The following CAST variants were observed in gnomAD, a reference collection of about 807,000 sequenced individuals.
CAST encodes calpastatin, also known as MIR583 host.
Under a neutral mutation model 119.6 loss-of-function variants are expected in CAST, and 76 were observed. The ratio of observed to expected loss-of-function variants is 0.64; its 90% CI spans 0.53 to 0.77. CAST has a LOEUF of 0.77. Among genes scored for constraint, CAST ranks in the 30% least tolerant of loss-of-function variants. The pLI is 0.00. For missense variants in CAST, 953 were observed against 946.5 expected, an observed-to-expected ratio of 1.01 and a Z score of -0.09; for synonymous variants, 319 against 331.6, an observed-to-expected ratio of 0.96 and a Z score of 0.41.
the CAST span, chr5:95,961,866 C>T: frequency 9.1e-7 from 1 of 1,096,592 alleles, no homozygotes; most frequent in Non-Finnish European, 1.2e-6. Context: ...GGAGCCAGAC[C>T]TCGGACTGCC....
At chr5:96,199,870 A>C in the CAST span, among the ~76,000 whole-genome samples, 1 of 152,144 alleles carries the variant, frequency 6.6e-6, no homozygotes, top group East Asian at 1.9e-4. Flanking sequence ...TTGAGCATTT[A>C]GTACAGTTTA....
the CAST span, among the ~76,000 whole-genome samples, chr5:96,000,682 C>A: frequency 1.3e-5 from 2 of 152,136 alleles, no homozygotes; most frequent in Admixed American, 6.5e-5. Flanking sequence ...AAGGGAGTGG[C>A]TTTGTTGTCT....
chr5:96,245,739 G>A, the CAST span, among the ~76,000 whole-genome samples: 1 of 152,090 alleles, frequency 6.6e-6, no homozygotes, highest in Non-Finnish European at 1.5e-5. Context: ...ATCCATTACT[G>A]ATGATTAGTT....
rs139146252 is a variant in CAST, at chr5:96,704,088, G to T, written c.210+8181G>T. Among the ~76,000 whole-genome samples the T allele has an allele frequency of 3.9e-4, 60 of 152,304 alleles. No homozygotes were observed. In the East Asian group the frequency reaches 0.01, roughly 26 times the overall value. On this transcript the variant is annotated intron_variant, in intron 3 of 31. Transcript: ENST00000675179. ...AAGGCCACACCTGTAGACTGATGGA[G>T]AAGGAATAAGCCACCTATAGCAATG...
the CAST span, among the ~76,000 whole-genome samples, chr5:96,405,003 G>T: frequency 6.6e-6 from 1 of 152,152 alleles, no homozygotes; most frequent in Non-Finnish European, 1.5e-5. Flanking sequence ...GATGGCACAT[G>T]ATTAAATGAT....
the CAST span, among the ~76,000 whole-genome samples, chr5:96,477,083 C>G: frequency 6.8e-6 from 1 of 147,996 alleles, no homozygotes; most frequent in African/African-American, 2.5e-5. Context: ...CACACACACA[C>G]ACACACACAC....
the CAST span, among the ~76,000 whole-genome samples, chr5:96,039,927 G>A: frequency 2.0e-4 from 31 of 152,276 alleles, no homozygotes; most frequent in Admixed American, 5.9e-4. Context: ...GTCATAGCTT[G>A]ATGGGGATAG....
chr5:96,254,386 A>C, the CAST span, among the ~76,000 whole-genome samples: 1 of 152,166 alleles, frequency 6.6e-6, no homozygotes, highest in South Asian at 2.1e-4. Flanking sequence ...AGACTAAAGT[A>C]ATTCACAAAG....
At chr5:96,534,691 GA>G in intron 1 of CAST, among the ~76,000 whole-genome samples, 2 of 64,292 alleles carry the variant, frequency 3.1e-5, no homozygotes, top group African/African-American at 6.1e-5. Context: ...AGAGAGAGAG[GA>G]AGGAAGGAAG....
intron 1 of CAST, among the ~76,000 whole-genome samples, chr5:96,542,622 GC>G (rs1745934387): frequency 6.6e-6 from 1 of 151,936 alleles, no homozygotes; most frequent in Non-Finnish European, 1.5e-5. Flanking sequence ...CTTATATTTT[GC>G]CCATTTAAAC....
the CAST span, among the ~76,000 whole-genome samples, chr5:96,138,500 T>C: frequency 6.6e-6 from 1 of 152,022 alleles, no homozygotes; most frequent in Non-Finnish European, 1.5e-5. Context: ...AGTTTTTCAA[T>C]AGAGACGAAA....
At chr5:95,983,636 TTCTTCA>T in the CAST span, among the ~76,000 whole-genome samples, 1 of 152,228 alleles carries the variant, frequency 6.6e-6, no homozygotes, top group Non-Finnish European at 1.5e-5. Context: ...TATTTGAATT[TTCTTCA>T]TAATCACATG....
the CAST span, among the ~76,000 whole-genome samples, chr5:96,341,193 G>C: frequency 1.3e-5 from 2 of 152,148 alleles, no homozygotes; most frequent in Non-Finnish European, 2.9e-5. Context: ...GTAATGGAGA[G>C]TTGTGTCTTC....
At chr5:96,667,130 A>G (rs967853239) in intron 1 of CAST, among the ~76,000 whole-genome samples, 1 of 152,240 alleles carries the variant, frequency 6.6e-6, no homozygotes, top group African/African-American at 2.4e-5. Flanking sequence ...AACACTGTTC[A>G]TGTAAGTTAT....
the CAST span, among the ~76,000 whole-genome samples, chr5:96,365,238 T>C: frequency 4.5e-4 from 68 of 152,348 alleles, no homozygotes; most frequent in East Asian, 0.012. Context: ...AGTGCTTTAC[T>C]TCCAACTATG....
the CAST span, among the ~76,000 whole-genome samples, chr5:96,117,530 C>T: frequency 1.3e-5 from 2 of 152,078 alleles, no homozygotes; most frequent in South Asian, 2.1e-4. Context: ...ATTTTTTCCG[C>T]GTGTCAGATG....
At chr5:96,112,967 A>C in the CAST span, among the ~76,000 whole-genome samples, 821 of 152,298 alleles carry the variant, frequency 5.4e-3, 6 homozygotes, top group African/African-American at 0.018. Context: ...CACCATAGTC[A>C]AGTTAAAAAA....
intron 3 of CAST, among the ~76,000 whole-genome samples, chr5:96,706,935 A>T (rs1449483094): frequency 6.6e-6 from 1 of 152,108 alleles, no homozygotes; most frequent in African/African-American, 2.4e-5. Context: ...GCCACAGCTG[A>T]TTGGGTGTGT....
the CAST span, among the ~76,000 whole-genome samples, chr5:96,413,993 G>T: frequency 7.2e-6 from 1 of 139,608 alleles, no homozygotes; most frequent in Non-Finnish European, 1.5e-5. Flanking sequence ...AAAAAAATTA[G>T]CCGGGCGTAG....
Sources: gnomAD v4.1 joint callset for allele counts (sites outside exome capture counted in the v4.1 genomes callset) on GRCh38, gnomAD v4.1.1 for gene constraint, MANE v1.5 for transcripts, NCBI Gene and HGNC (gene_info 2026-07-23, HGNC 2026-07-21) for gene names.